ACOXL: variants seen among roughly 807,000 people sequenced by gnomAD.
ACOXL encodes the protein acyl-CoA oxidase like, also known as acyl-coenzyme A oxidase-like protein.
A neutral mutation model predicts 71.9 loss-of-function variants in ACOXL; 70 were observed. The ratio of observed to expected loss-of-function variants is 0.97; its 90% confidence interval spans 0.80 to 1.19. The LOEUF is 1.19. ACOXL is among the 50% of genes most tolerant of loss of function. ACOXL has a pLI of 0.00. For missense variants in ACOXL, 703 were observed against 736.3 expected (o/e 0.95, Z 0.52); for synonymous variants, 253 against 281.6 (o/e 0.90, Z 1.02).
In ACOXL at chr2:111,031,645, G is replaced by C; in HGVS notation, c.1300G>C (p.Asp434His). 1 of 1,614,166 alleles carries C rather than the reference G, an allele frequency of 6.2e-7. No individual in the cohort carries two copies. Among genetic ancestry groups the C allele is most frequent in the Non-Finnish European group, 8.5e-7 (1 of 1,180,028 alleles). Reference sequence around the variant, plus strand: ...TGGACAGGTAAAGACCAAGAAGGAGGATTTTTTCCATGCCTGGAACTCGTG... The same window carrying C: ...TGGACAGGTAAAGACCAAGAAGGAGCATTTTTTCCATGCCTGGAACTCGTG... Reference protein sequence around the residue: ...IYYKVKTKKEDFFHAWNSCLH... With the variant: ...IYYKVKTKKEHFFHAWNSCLH... Residue 434 changes from aspartate to histidine, a missense_variant, in exon 15 of 18, where the codon GAT becomes CAT. Asp to His is a moderately conservative substitution (Grantham distance 81). Coordinates refer to ENST00000439055, the MANE Select transcript of ACOXL (RefSeq NM_001142807.4).
At chr2:110,879,934 T>C (rs1696407541) in intron 10 of ACOXL, among the ~76,000 whole-genome samples, 1 of 151,922 alleles carries the variant, frequency 6.6e-6, no homozygotes, top group African/African-American at 2.4e-5. Flanking sequence ...TCACCTAAGG[T>C]CAGGAGTTCA....
intron 12 of ACOXL, among the ~76,000 whole-genome samples, chr2:110,950,117 T>C (rs555145842): frequency 6.6e-6 from 1 of 152,296 alleles, no homozygotes; most frequent in East Asian, 1.9e-4. Flanking sequence ...TAGTTACATA[T>C]GTACACATGT....
At chr2:110,870,190 C>A (rs1181013884) in intron 10 of ACOXL, among the ~76,000 whole-genome samples, 3 of 152,220 alleles carry the variant, frequency 2.0e-5, no homozygotes, top group African/African-American at 7.2e-5. Context: ...TTCAAGGGTT[C>A]AGCAGCCACT....
chr2:110,757,837 C>A (rs1051480579), intron 1 of ACOXL, among the ~76,000 whole-genome samples: 10 of 151,832 alleles, frequency 6.6e-5, no homozygotes, highest in African/African-American at 2.4e-4. Flanking sequence ...TTCTCCCATT[C>A]TGTAGGTTGT....
Position 110,908,790 on chromosome 2 carries a change from C to CGCT in ACOXL, c.791_792insCTG (p.Arg264_Arg265insTrp). On this transcript the variant is annotated inframe_insertion and splice_region_variant, in exon 11 of 18. Coordinates refer to ENST00000439055, the MANE Select transcript of ACOXL (RefSeq NM_001142807.4). ...ATCGTGTCTGTTGATTCCCTCTAGC[C>CGCT]GGAGGCAGTTTGGGCCCAAAACCAA... 3 of 1,613,238 alleles carry CGCT rather than the reference C, an allele frequency of 1.9e-6. No individual in the cohort carries two copies. The highest frequency in any genetic ancestry group is 2.5e-6 in the Non-Finnish European group (3 of 1,179,346).
intron 11 of ACOXL, among the ~76,000 whole-genome samples, chr2:110,931,237 A>G (rs2060468742): frequency 1.3e-5 from 2 of 152,226 alleles, no homozygotes; most frequent in South Asian, 4.1e-4. Flanking sequence ...AGTAAGAGCC[A>G]CTGGTGCACC....
intron 12 of ACOXL, among the ~76,000 whole-genome samples, chr2:110,980,459 AG>A (rs776583846): frequency 2.6e-5 from 4 of 152,198 alleles, no homozygotes; most frequent in South Asian, 2.1e-4. Context: ...CCAAGAAGGG[AG>A]AAAGGGACTG....
intron 12 of ACOXL, among the ~76,000 whole-genome samples, chr2:110,970,550 GC>G (rs556613734): frequency 7.4e-4 from 113 of 152,216 alleles, no homozygotes; most frequent in Non-Finnish European, 1.4e-3. Context: ...AACATTGAAT[GC>G]TTTTCCCCCA....
intron 14 of ACOXL, among the ~76,000 whole-genome samples, chr2:111,022,237 C>T (rs1245297770): frequency 2.0e-5 from 3 of 151,756 alleles, no homozygotes; most frequent in Admixed American, 1.3e-4. Context: ...TGGTGGTGGG[C>T]GCCTGTAATC....
chr2:111,068,291 A>G (rs971507602), intron 16 of ACOXL, among the ~76,000 whole-genome samples: 3 of 152,128 alleles, frequency 2.0e-5, no homozygotes, highest in Admixed American at 2.0e-4. Context: ...ATGGTTTTCT[A>G]TGACTGGAGC....
At chr2:110,942,726 TAAA>T (rs373579252) in intron 12 of ACOXL, among the ~76,000 whole-genome samples, 1 of 139,586 alleles carries the variant, frequency 7.2e-6, no homozygotes, top group Non-Finnish European at 1.6e-5. Context: ...CCATCTCTAC[TAAA>T]AAAAAAAAAA....
intron 13 of ACOXL, among the ~76,000 whole-genome samples, chr2:110,989,766 G>C (rs1269582487): frequency 1.3e-5 from 2 of 152,172 alleles, no homozygotes; most frequent in African/African-American, 4.8e-5. Context: ...AAAATGGGCT[G>C]GGCACAGTGG....
chr2:110,813,534 C>T (rs549925171), intron 9 of ACOXL, among the ~76,000 whole-genome samples: 1 of 152,250 alleles, frequency 6.6e-6, no homozygotes, highest in Admixed American at 6.5e-5. Context: ...GTCCTTTTGG[C>T]CACCTCTGGG....
rs145852633 is a variant in ACOXL at position 111,030,883 on chromosome 2, A to G, written c.1282-744A>G. On this transcript the variant is annotated intron_variant, in intron 14 of 17. Coordinates refer to ENST00000439055, the MANE Select transcript of ACOXL (RefSeq NM_001142807.4). ...TGAGACCTTCAGCTCCTCCTAAATG[A>G]TGGTAATTACTAGTTTTGTGATTCG... Among the ~76,000 whole-genome samples, 287 of 152,288 alleles carry G rather than the reference A, an allele frequency of 1.9e-3. 2 individuals carry two copies. Among genetic ancestry groups the G allele is most frequent in the African/African-American group, 6.8e-3 (284 of 41,556 alleles).
At chr2:111,114,714 A>G (rs1248318582) in intron 17 of ACOXL, among the ~76,000 whole-genome samples, 1 of 152,122 alleles carries the variant, frequency 6.6e-6, no homozygotes, top group Non-Finnish European at 1.5e-5. Flanking sequence ...TGGTTTGTTC[A>G]GAGGACTGCA....
At chr2:110,837,235 T>C (rs1690569124) in intron 9 of ACOXL, among the ~76,000 whole-genome samples, 1 of 152,130 alleles carries the variant, frequency 6.6e-6, no homozygotes. Flanking sequence ...TCACCTGCTC[T>C]TGGCAGCCAT....
intron 10 of ACOXL, among the ~76,000 whole-genome samples, chr2:110,905,770 G>A (rs1238266275): frequency 6.6e-6 from 1 of 152,162 alleles, no homozygotes; most frequent in Non-Finnish European, 1.5e-5. Flanking sequence ...GAGTCCGGAG[G>A]TGCCAGATCT....
chr2:110,938,363 C>G (rs1278108866), intron 12 of ACOXL, among the ~76,000 whole-genome samples: 1 of 152,248 alleles, frequency 6.6e-6, no homozygotes, highest in Admixed American at 6.5e-5. Flanking sequence ...CAGCTGCCTA[C>G]AGCAGGCACT....
At chr2:110,963,500 T>C (rs1295612508) in intron 12 of ACOXL, 24 of 1,312,068 alleles carry the variant, frequency 1.8e-5, no homozygotes, top group Non-Finnish European at 2.2e-5. Flanking sequence ...TTTTCAATTT[T>C]CTGTATATTT....
Sources: allele counts gnomAD v4.1 joint callset (sites outside exome capture counted in the v4.1 genomes callset), GRCh38; gene constraint gnomAD v4.1.1; transcripts MANE v1.5; gene names NCBI Gene and HGNC (gene_info 2026-07-23, HGNC 2026-07-21).